BRCA2: variants seen among roughly 807,000 people sequenced by gnomAD.
BRCA2 encodes the protein breast cancer type 2 susceptibility protein.
In BRCA2, 203 loss-of-function variants were observed where a neutral mutation model predicts 276.7. The observed-to-expected ratio is 0.73, with a 90% CI of 0.65 to 0.82. The LOEUF is 0.82. BRCA2 is among the 40% of genes least tolerant of loss of function. The pLI, the probability that BRCA2 is intolerant of heterozygous loss-of-function variation, is 0.00. For missense variants in BRCA2, 3,920 were observed against 3,915.0 expected (o/e 1.00, Z -0.03); for synonymous variants, 1,289 against 1,338.4 (o/e 0.96, Z 0.81).
intron 24 of BRCA2, among the ~76,000 whole-genome samples, chr13:32,384,358 CGAG>C (rs1566255151): frequency 6.6e-6 from 1 of 152,068 alleles, no homozygotes; most frequent in African/African-American, 2.4e-5. Flanking sequence ...TGAAAGGATT[CGAG>C]GAGATGAAGA....
chr13:32,363,712 C>A lies in BRCA2; in HGVS notation c.8331+179C>A, dbSNP rs11571720. 1.3e-4 allele frequency among the ~76,000 whole-genome samples: 20 copies of A among 152,222 alleles called. No homozygotes were observed. The East Asian group carries it at 3.1e-3, about 24-fold the overall frequency. On this transcript the variant is annotated intron_variant, in intron 18 of 26. Transcript: ENST00000380152. ...AGTTTTTGTGCAGTTTTTGGGAGGTCCAGAGATCTTTCTTGAGCTTAAATA... is the reference window on the plus strand; with the variant it reads ...AGTTTTTGTGCAGTTTTTGGGAGGTACAGAGATCTTTCTTGAGCTTAAATA...
rs397507793 is a variant in BRCA2 at position 32,339,981 on chromosome 13, G to A, written c.5626G>A (p.Glu1876Lys). 6 of 1,611,102 alleles carry A rather than the reference G, an allele frequency of 3.7e-6. No individual in the cohort carries two copies. The African/African-American group carries it at 8.0e-5, about 22-fold the overall frequency. Reference sequence around the variant, plus strand: ...AGACAGTTTCAGTAAAGTAATTAAGGAAAACAACGAGAATAAATCAAAAAT... The same window carrying A: ...AGACAGTTTCAGTAAAGTAATTAAGAAAAACAACGAGAATAAATCAAAAAT... Reference protein sequence around the residue: ...FTDSFSKVIKENNENKSKICQ... With the variant: ...FTDSFSKVIKKNNENKSKICQ... The change falls in exon 11 of 27, where the codon GAA (glutamate) becomes AAA (lysine). Residue 1876 changes from glutamate (E) to lysine (K), a missense_variant. By Grantham distance (56) the Glu-to-Lys change is moderately conservative (BLOSUM62 1). Around this residue, in one of 2 missense-constraint regions of BRCA2, gnomAD observed 3,263 missense variants for 3,156.9 expected, o/e 1.03. Coordinates refer to ENST00000380152, the MANE Select transcript of BRCA2 (RefSeq NM_000059.4).
At chr13:32,336,175 C>A (rs2137481235) in intron 10 of BRCA2, 90 bp from the exon 11 acceptor site, 1 of 1,417,264 alleles carries the variant, frequency 7.1e-7, no homozygotes, top group Non-Finnish European at 9.5e-7. Flanking sequence ...GCCACTGTGC[C>A]CAAACACTAC....
intron 13 of BRCA2, among the ~76,000 whole-genome samples, chr13:32,350,749 T>C (rs559959471): frequency 1.8e-4 from 28 of 151,400 alleles, no homozygotes; most frequent in African/African-American, 6.8e-4. Context: ...CGAGACTCCG[T>C]CTCAAAAAAA....
chr13:32,379,384 A>G lies in BRCA2; in HGVS notation c.8822A>G (p.Gln2941Arg), dbSNP rs779091957. The G allele has an allele frequency of 1.9e-6, 3 of 1,613,960 alleles. No homozygotes were observed. In the South Asian group the frequency reaches 3.3e-5, roughly 18 times the overall value. Residue 2941 changes from glutamine to arginine, a missense_variant, in exon 22 of 27, where the codon CAA becomes CGA. By Grantham distance (43) the Gln-to-Arg change is conservative (BLOSUM62 1). Around this residue, in one of 2 missense-constraint regions of BRCA2, gnomAD observed 657 missense variants for 758.2 expected, o/e 0.87. Transcript: ENST00000380152. Reference sequence around the variant, plus strand: ...AGGCAAATGTTGAATGATAAGAAACAAGCTCAGATCCAGTTGGAAATTAGG... The same window carrying G: ...AGGCAAATGTTGAATGATAAGAAACGAGCTCAGATCCAGTTGGAAATTAGG... The part of the protein sequence containing the change: ...NHRQMLNDKK[Q>R]AQIQLEIRKA...
chr13:32,356,150 C>G lies in BRCA2; in HGVS notation c.7436-278C>G, dbSNP rs1428014894. On this transcript the variant is annotated intron_variant, in intron 14 of 26. Coordinates refer to ENST00000380152, the MANE Select transcript of BRCA2 (RefSeq NM_000059.4). ...CTCCTCCTCCCGAGTTCAAGTGATTCTCCTGCCTCAGCCTGCTGAATAGCT... is the reference window on the plus strand; with the variant it reads ...CTCCTCCTCCCGAGTTCAAGTGATTGTCCTGCCTCAGCCTGCTGAATAGCT... 4.0e-5 allele frequency among the ~76,000 whole-genome samples: 6 copies of G among 151,540 alleles called. No individual in the cohort carries two copies. The East Asian group carries it at 8.0e-4, about 20-fold the overall frequency.
At chr13:32,324,222 T>C (rs1335716028) in intron 3 of BRCA2, among the ~76,000 whole-genome samples, 1 of 152,184 alleles carries the variant, frequency 6.6e-6, no homozygotes, top group Non-Finnish European at 1.5e-5. Flanking sequence ...CACTTAATCT[T>C]ACCTTAGGGA....
At chr13:32,383,659 A>C (rs2072940535) in intron 24 of BRCA2, among the ~76,000 whole-genome samples, 1 of 152,196 alleles carries the variant, frequency 6.6e-6, no homozygotes, top group Non-Finnish European at 1.5e-5. Flanking sequence ...AGGAGGATTT[A>C]AATAATTGAC....
At position 32,396,943 on chromosome 13, in the gene BRCA2, A is replaced by C. The variant is rs377123889; in HGVS notation, c.9547A>C (p.Ile3183Leu). 1 of 1,614,088 alleles carries C rather than the reference A, an allele frequency of 6.2e-7. No homozygotes were observed. Among genetic ancestry groups the C allele is most frequent in the Non-Finnish European group, 8.5e-7 (1 of 1,179,924 alleles). ...CNEAENKLMH[I>L]LHANDPKWST... ...TGAAGCAGAAAACAAGCTTATGCAT[A>C]TACTGCATGCAAATGATCCCAAGTG... Residue 3183 changes from isoleucine to leucine, a missense_variant, in exon 26 of 27, where the codon ATA (isoleucine) becomes CTA (leucine). Physicochemically the swap from Ile to Leu is conservative, Grantham distance 5. This residue lies in a region of BRCA2 where 657 missense variants were observed against 758.2 expected (regional missense o/e 0.87). Coordinates refer to ENST00000380152, the MANE Select transcript of BRCA2 (RefSeq NM_000059.4).
At chr13:32,373,828 G>A (rs755616051) in intron 20 of BRCA2, among the ~76,000 whole-genome samples, 20 of 152,350 alleles carry the variant, frequency 1.3e-4, no homozygotes, top group South Asian at 6.2e-4. Flanking sequence ...CTCCAACCCC[G>A]TATTTCCCTC....
Position 32,336,675 on chromosome 13 carries a change from A to G in BRCA2, c.2320A>G (p.Thr774Ala), listed in dbSNP as rs55968715. Residue 774 changes from threonine (T) to alanine (A), a missense_variant, in exon 11 of 27, where the codon ACT becomes GCT. Physicochemically the swap from Thr to Ala is moderately conservative, Grantham distance 58. Transcript: ENST00000380152. ...ENASTLILTP[T>A]SKDVLSNLVM... ...TGCCAGCACTCTTATTTTAACTCCT[A>G]CTTCCAAGGATGTTCTGTCAAACCT... 69 of 1,613,754 alleles carry G rather than the reference A, an allele frequency of 4.3e-5. No homozygotes were observed. Among genetic ancestry groups the G allele is most frequent in the Non-Finnish European group, 5.1e-5 (60 of 1,179,820 alleles).
In BRCA2 at chr13:32,370,492, C is replaced by G. The variant is rs786203867; in HGVS notation, c.8422C>G (p.Leu2808Val). ...ACCTTTTCCTCTGCCCTTATCATCGCTTTTCAGTGATGGAGGAAATGTTGG... is the reference window on the plus strand; with the variant it reads ...ACCTTTTCCTCTGCCCTTATCATCGGTTTTCAGTGATGGAGGAAATGTTGG... ...PRPFPLPLSS[L>V]FSDGGNVGCV... The change falls in exon 19 of 27, where the codon CTT becomes GTT. Residue 2808 changes from leucine (L) to valine (V), a missense_variant. By Grantham distance (32) the Leu-to-Val change is conservative. This residue lies in a region of BRCA2 where 657 missense variants were observed against 758.2 expected (regional missense o/e 0.87). Coordinates refer to ENST00000380152, the MANE Select transcript of BRCA2 (RefSeq NM_000059.4). 4 of 1,613,882 alleles carry G rather than the reference C, an allele frequency of 2.5e-6. No individual in the cohort carries two copies. The African/African-American group carries it at 5.3e-5, about 22-fold the overall frequency.
intron 6 of BRCA2, 83 bp downstream of exon 6, chr13:32,326,365 A>T (rs1031272655): frequency 4.0e-6 from 6 of 1,516,814 alleles, no homozygotes; most frequent in Non-Finnish European, 5.5e-6. Flanking sequence ...TGAGATTTAC[A>T]AATCTGTACC....
intron 25 of BRCA2, 45 bp downstream of exon 25, chr13:32,394,978 A>G (rs774733213): frequency 4.3e-6 from 7 of 1,610,094 alleles, no homozygotes; most frequent in African/African-American, 2.7e-5. Flanking sequence ...GTATTTTTCT[A>G]TTTTGACAGT....
chr13:32,342,576 A>T (rs2072580055), intron 11 of BRCA2, among the ~76,000 whole-genome samples: 1 of 152,218 alleles, frequency 6.6e-6, no homozygotes, highest in African/African-American at 2.4e-5. Flanking sequence ...GAGTATACTT[A>T]CACAAACCTA....
intron 18 of BRCA2, among the ~76,000 whole-genome samples, chr13:32,367,126 A>G (rs1263737367): frequency 1.3e-5 from 2 of 152,008 alleles, no homozygotes; most frequent in African/African-American, 2.4e-5. Context: ...AGATAAAATA[A>G]TTTGAGCATC....
At chr13:32,375,390 G>T (rs1321131150) in intron 20 of BRCA2, 1 of 452,490 alleles carries the variant, frequency 2.2e-6, no homozygotes, top group Non-Finnish European at 4.4e-6. Context: ...ATCCATGAGG[G>T]TTGGAATCAA....
At position 32,398,939 on chromosome 13, in the gene BRCA2, T is replaced by G. The variant is rs1432723702; in HGVS notation, c.*169T>G. ...TCGGGCAAAAATCGTTTTGCCCGAT[T>G]CCGTATTGGTATACTTTTGCTTCAG... On this transcript the variant is annotated 3_prime_UTR_variant, in exon 27 of 27. Transcript: ENST00000380152. The G allele has an allele frequency of 2.6e-6, 2 of 766,724 alleles. No individual in the cohort carries two copies. Among genetic ancestry groups the G allele is most frequent in the Non-Finnish European group, 4.0e-6 (2 of 499,008 alleles). 47.5% of individuals were successfully genotyped at this position (766,724 alleles called of 1,614,324 possible).
At chr13:32,371,972 G>A (rs745545351) in intron 20 of BRCA2, among the ~76,000 whole-genome samples, 1 of 152,214 alleles carries the variant, frequency 6.6e-6, no homozygotes, top group Non-Finnish European at 1.5e-5. Context: ...TTTGCTGGTG[G>A]AGGATCTTTC....
Sources: gnomAD v4.1 joint callset for allele counts (sites outside exome capture counted in the v4.1 genomes callset) on GRCh38, gnomAD v4.1.1 for gene constraint, gnomAD v4.1.1 regional missense constraint, MANE v1.5 for transcripts, NCBI Gene and HGNC (gene_info 2026-07-23, HGNC 2026-07-21) for gene names.